The following RAI14 variants were observed in gnomAD, a reference collection of about 807,000 sequenced individuals.
RAI14 encodes ankycorbin.
Under a neutral mutation model 115.4 loss-of-function variants are expected in RAI14, and 45 were observed. That is an observed-to-expected ratio of 0.39 (90% CI 0.31 to 0.50). RAI14 has a LOEUF of 0.50. Ranked by LOEUF, RAI14 falls within the 20% of genes least tolerant of loss-of-function variation. The pLI is 0.85. For synonymous variants in RAI14, 371 were observed against 415.4 expected (o/e 0.89, Z 1.30); for missense variants, 939 against 1,131.2 (o/e 0.83, Z 2.44).
At chr5:34,681,859 T>TC (rs1554039420) in intron 1 of RAI14, among the ~76,000 whole-genome samples, 3 of 138,940 alleles carry the variant, frequency 2.2e-5, no homozygotes, top group African/African-American at 2.7e-5. Flanking sequence ...TTTCTTTCTT[T>TC]TTTTTTTTTT....
At chr5:34,678,125 T>C (rs1194413850) in intron 1 of RAI14, among the ~76,000 whole-genome samples, 2 of 150,798 alleles carry the variant, frequency 1.3e-5, no homozygotes, top group African/African-American at 2.4e-5. Flanking sequence ...TGAGACACAG[T>C]CTCACTCTGT....
chr5:34,823,618 G>C lies in RAI14; in HGVS notation c.1776G>C (p.Lys592Asn), dbSNP rs1489505948. ...GCTCTGTTATTGAGAATATGAATAA[G>C]GAGAAAGCATTTTTGTTTGAGAAAT... ...SYCSVIENMN[K>N]EKAFLFEKYQ... is the part of the protein sequence containing the mutation. Residue 592 changes from lysine to asparagine, a missense_variant, in exon 15 of 18, where the codon AAG becomes AAC. Lys to Asn is a moderately conservative substitution (Grantham distance 94). Transcript: ENST00000265109. The surrounding 1 kb of genome is among the most constrained non-coding windows in gnomAD (Gnocchi z 4.5). 6.2e-7 allele frequency: 1 copy of C among 1,613,884 alleles called. No homozygotes were observed. Among genetic ancestry groups the C allele is most frequent in the South Asian group, 1.1e-5 (1 of 91,026 alleles).
At chr5:34,699,180 C>T (rs1739725262) in intron 2 of RAI14, among the ~76,000 whole-genome samples, 1 of 152,212 alleles carries the variant, frequency 6.6e-6, no homozygotes, top group East Asian at 1.9e-4. Context: ...AGCTACTAGG[C>T]ATCATTCTAA....
At chr5:34,677,966 C>T (rs1744108677) in intron 1 of RAI14, among the ~76,000 whole-genome samples, 1 of 152,288 alleles carries the variant, frequency 6.6e-6, no homozygotes, top group African/African-American at 2.4e-5. Flanking sequence ...CTCTTTGTCC[C>T]TACTTCACCC....
At chr5:34,776,233 A>G (rs1053852448) in intron 3 of RAI14, among the ~76,000 whole-genome samples, 3 of 152,186 alleles carry the variant, frequency 2.0e-5, no homozygotes, top group Non-Finnish European at 4.4e-5. Context: ...CATGGAGATA[A>G]GAGCAGAATG....
At chr5:34,687,845 G>A in intron 2 of RAI14, 1 of 1,250,740 alleles carries the variant, frequency 8.0e-7, no homozygotes. Context: ...CTGCATTTTT[G>A]CAATAAATGG....
At chr5:34,770,391 A>T (rs916388406) in intron 3 of RAI14, among the ~76,000 whole-genome samples, 98 of 152,220 alleles carry the variant, frequency 6.4e-4, no homozygotes, top group African/African-American at 2.3e-3. Flanking sequence ...TTCAAAACTA[A>T]AGATTTACAT....
At chr5:34,763,030 C>A (rs889544015) in intron 3 of RAI14, among the ~76,000 whole-genome samples, 7 of 151,300 alleles carry the variant, frequency 4.6e-5, no homozygotes, top group African/African-American at 1.5e-4. Flanking sequence ...ATCTTTTTGG[C>A]TATGAAAGCA....
At chr5:34,776,760 T>C (rs1046418248) in intron 3 of RAI14, among the ~76,000 whole-genome samples, 3 of 124,588 alleles carry the variant, frequency 2.4e-5, no homozygotes, top group East Asian at 1.9e-4. Context: ...TGAGCCAAGA[T>C]TGCACCACTG....
rs1349900417 is a variant in RAI14 at position 34,665,182 on chromosome 5, T to TATATATATATATATATAC, written c.-49+8713_-49+8714insATATATATATACATATAT. 1.5e-4 allele frequency among the ~76,000 whole-genome samples: 7 copies of TATATATATATATATATAC among 45,998 alleles called. 1 individual carries two copies. Among genetic ancestry groups the TATATATATATATATATAC allele is most frequent in the African/African-American group, 6.7e-4 (7 of 10,382 alleles). The allele number at this position is 45,998 out of a possible 152,430, so 30.2% of individuals were successfully genotyped here. On this transcript the variant is annotated intron_variant, in intron 1 of 17. Coordinates refer to ENST00000265109, the MANE Select transcript of RAI14 (RefSeq NM_015577.3). ...GTGTATATATATATATACACACATA[T>TATATATATATATATATAC]ATATATGTATATATATACACACACC...
chr5:34,756,742 C>T (rs558781474), intron 2 of RAI14, among the ~76,000 whole-genome samples: 1 of 152,152 alleles, frequency 6.6e-6, no homozygotes, highest in Non-Finnish European at 1.5e-5. Context: ...ATATAGAAAT[C>T]GTCTCTTTCC....
intron 2 of RAI14, among the ~76,000 whole-genome samples, chr5:34,743,606 G>T (rs1051572742): frequency 6.6e-6 from 1 of 152,154 alleles, no homozygotes; most frequent in Non-Finnish European, 1.5e-5. Flanking sequence ...TGTACGTAGG[G>T]CTAGCCAACA....
intron 2 of RAI14, chr5:34,688,235 C>A: frequency 6.4e-7 from 1 of 1,550,978 alleles, no homozygotes; most frequent in African/African-American, 1.4e-5. Context: ...TGGCTTTCAG[C>A]TAAGGAGAAA....
chr5:34,818,714 G>C (rs948051221), intron 12 of RAI14, 83 bp from the exon 13 acceptor site: 4 of 1,175,446 alleles, frequency 3.4e-6, no homozygotes, highest in Non-Finnish European at 5.0e-6. Context: ...CTCTGCGTAA[G>C]CTCAAGGAGG....
At chr5:34,795,803 C>T in intron 3 of RAI14, 136 bp from the exon 4 acceptor site, 1 of 542,382 alleles carries the variant, frequency 1.8e-6, no homozygotes, top group South Asian at 2.6e-5. Flanking sequence ...ATAATAATGC[C>T]TAGTCAGTGG....
chr5:34,721,027 C>T (rs1213337190), intron 2 of RAI14, among the ~76,000 whole-genome samples: 1 of 151,894 alleles, frequency 6.6e-6, no homozygotes, highest in Non-Finnish European at 1.5e-5. Flanking sequence ...GACTCCATGA[C>T]AGCCCACAGA....
intron 4 of RAI14, among the ~76,000 whole-genome samples, chr5:34,798,361 TAA>T (rs1561049087): frequency 6.7e-6 from 1 of 149,906 alleles, no homozygotes. Context: ...TTTTTTTTTT[TAA>T]TACATGCTTA....
intron 3 of RAI14, among the ~76,000 whole-genome samples, chr5:34,784,161 G>A (rs891252985): frequency 2.6e-5 from 4 of 152,208 alleles, no homozygotes; most frequent in Admixed American, 1.3e-4. Flanking sequence ...AACCACATAT[G>A]AAGAATCAGA....
At chr5:34,759,394 T>G (rs1164396962) in intron 3 of RAI14, among the ~76,000 whole-genome samples, 1 of 152,184 alleles carries the variant, frequency 6.6e-6, no homozygotes, top group African/African-American at 2.4e-5. Flanking sequence ...TGAGCAGTGG[T>G]TGTGCAAGCA....
Sources: allele counts gnomAD v4.1 joint callset (sites outside exome capture counted in the v4.1 genomes callset), GRCh38; gene constraint gnomAD v4.1.1; non-coding constraint Gnocchi (gnomAD v3.1); transcripts MANE v1.5; gene names NCBI Gene and HGNC (gene_info 2026-07-23, HGNC 2026-07-21).